ATP8A2: variants seen among roughly 807,000 people sequenced by gnomAD.
ATP8A2 encodes the protein phospholipid-transporting ATPase IB.
A neutral mutation model predicts 165.6 loss-of-function variants in ATP8A2; 100 were observed. That is an observed-to-expected ratio of 0.60 (90% CI 0.51 to 0.71). ATP8A2 has a LOEUF of 0.71. Ranked by LOEUF, ATP8A2 falls within the 30% of genes least tolerant of loss-of-function variation. The pLI is 0.00. For synonymous variants in ATP8A2, 543 were observed against 548.8 expected, an observed-to-expected ratio of 0.99 and a Z score of 0.15; for missense variants, 1,227 against 1,479.5, an observed-to-expected ratio of 0.83 and a Z score of 2.80.
At chr13:25,594,167 A>G (rs1565962302) in intron 24 of ATP8A2, among the ~76,000 whole-genome samples, 1 of 152,238 alleles carries the variant, frequency 6.6e-6, no homozygotes, top group Non-Finnish European at 1.5e-5. Context: ...CTACAACTTT[A>G]CCAGCAATTT....
intron 33 of ATP8A2, among the ~76,000 whole-genome samples, chr13:25,937,120 A>G (rs1287153971): frequency 6.6e-6 from 1 of 152,142 alleles, no homozygotes; most frequent in African/African-American, 2.4e-5. Context: ...AATAAGGAAA[A>G]CAAAGCAACT....
At chr13:25,995,519 A>G (rs913443816) in intron 35 of ATP8A2, among the ~76,000 whole-genome samples, 3 of 151,534 alleles carry the variant, frequency 2.0e-5, no homozygotes, top group Non-Finnish European at 4.4e-5. Flanking sequence ...TAATTCAGTA[A>G]TTTTTTATTT....
At chr13:25,991,253 T>G (rs1593681725) in intron 35 of ATP8A2, among the ~76,000 whole-genome samples, 1 of 152,356 alleles carries the variant, frequency 6.6e-6, no homozygotes, top group African/African-American at 2.4e-5. Flanking sequence ...ACAGACTGAC[T>G]TTTTTAATTT....
chr13:25,545,981 A>G (rs1159923952), intron 10 of ATP8A2, among the ~76,000 whole-genome samples: 1 of 152,178 alleles, frequency 6.6e-6, no homozygotes, highest in Admixed American at 6.5e-5. Flanking sequence ...ATGGGTAGCT[A>G]GCTCACATTT....
intron 33 of ATP8A2, among the ~76,000 whole-genome samples, chr13:25,934,492 G>A (rs1008037166): frequency 6.6e-6 from 1 of 152,348 alleles, no homozygotes; most frequent in Non-Finnish European, 1.5e-5. Flanking sequence ...CCTCCGGTCA[G>A]CAGTGTGACC....
At position 25,750,152 on chromosome 13, in the gene ATP8A2, TA is replaced by T. The variant is rs2044123121; in HGVS notation, c.2385-18892del. Among the ~76,000 whole-genome samples, 1 of 152,196 alleles carries T rather than the reference TA, an allele frequency of 6.6e-6. No individual in the cohort carries two copies. Among genetic ancestry groups the T allele is most frequent in the Non-Finnish European group, 1.5e-5 (1 of 68,032 alleles). On this transcript the variant is annotated intron_variant, in intron 25 of 36. Transcript: ENST00000381655. This position sits in a 1 kb window ranked among gnomAD's most constrained non-coding sequence, Gnocchi z 4.3. ...TATTTGTGTCCCTCTAAAGCCACAGTAAGGAGAACTTCGGTGAAGTCCTCCC... is the reference window on the plus strand; with the variant it reads ...TATTTGTGTCCCTCTAAAGCCACAGTAGGAGAACTTCGGTGAAGTCCTCCC...
intron 27 of ATP8A2, among the ~76,000 whole-genome samples, chr13:25,806,159 G>A (rs1448361240): frequency 6.6e-6 from 1 of 152,140 alleles, no homozygotes; most frequent in Non-Finnish European, 1.5e-5. Flanking sequence ...GTTCACAGGG[G>A]TAAGTTGAGG....
rs548277111 is a variant in ATP8A2, at chr13:25,439,433, A to G, written c.77-29544A>G. ...ATTAGGGCATTTTAAATGAAAAAAA[A>G]GTCTGTTATATTGCCATCATGTTCA... On this transcript the variant is annotated intron_variant, in intron 1 of 36. Transcript: ENST00000381655. Among the ~76,000 whole-genome samples the G allele has an allele frequency of 3.2e-4, 48 of 152,344 alleles. 1 individual carries two copies. The highest frequency in any genetic ancestry group is 1.9e-3 in the South Asian group (9 of 4,824).
intron 35 of ATP8A2, among the ~76,000 whole-genome samples, chr13:25,973,225 T>G (rs1593651571): frequency 6.6e-6 from 1 of 152,174 alleles, no homozygotes; most frequent in African/African-American, 2.4e-5. Flanking sequence ...GTGTGGCTGG[T>G]CTTAAACCTT....
At chr13:25,427,091 T>C (rs1394850790) in intron 1 of ATP8A2, among the ~76,000 whole-genome samples, 1 of 152,126 alleles carries the variant, frequency 6.6e-6, no homozygotes, top group East Asian at 1.9e-4. Context: ...CATCAGGGGT[T>C]CCCCCAACAT....
intron 10 of ATP8A2, among the ~76,000 whole-genome samples, chr13:25,546,602 A>T (rs1272750978): frequency 6.6e-6 from 1 of 152,054 alleles, no homozygotes; most frequent in East Asian, 1.9e-4. Context: ...TACATGTAGA[A>T]ATATTTATGT....
intron 24 of ATP8A2, among the ~76,000 whole-genome samples, chr13:25,635,306 A>G (rs75756695): frequency 0.035 from 5,267 of 152,282 alleles, 156 homozygotes; most frequent in East Asian, 0.13. Flanking sequence ...GAAAGCACTT[A>G]GGGAAAATGA....
chr13:25,851,582 C>CAAAAAAA lies in ATP8A2; in HGVS notation c.2957-8603_2957-8597dup, dbSNP rs200852097. ...TGGGTGACAGAGTGTGACTCTGTCT[C>CAAAAAAA]AAAAAAAAAAAAAAAATTAATGCAT... is the stretch of plus-strand genomic sequence containing the variant. On this transcript the variant is annotated intron_variant, in intron 30 of 36. Coordinates refer to ENST00000381655, the MANE Select transcript of ATP8A2 (RefSeq NM_016529.6). Among the ~76,000 whole-genome samples, 371 of 109,028 alleles carry CAAAAAAA rather than the reference C, an allele frequency of 3.4e-3. 1 individual carries two copies. The highest frequency in any genetic ancestry group is 0.012 in the African/African-American group (349 of 28,496). The allele number at this position is 109,028 out of a possible 152,430, so 71.5% of individuals were successfully genotyped here.
chr13:25,948,954 C>T (rs1955278988), intron 33 of ATP8A2, among the ~76,000 whole-genome samples: 1 of 152,224 alleles, frequency 6.6e-6, no homozygotes. Flanking sequence ...AGCTTTAGCT[C>T]CTTGGCCTTG....
intron 16 of ATP8A2, among the ~76,000 whole-genome samples, chr13:25,566,205 A>T (rs1273327583): frequency 6.6e-6 from 1 of 152,004 alleles, no homozygotes; most frequent in Non-Finnish European, 1.5e-5. Context: ...GTTCTTGGTG[A>T]TGCTGATGAA....
At chr13:25,542,134 G>C (rs2038498605) in intron 9 of ATP8A2, 88 bp downstream of exon 9, 2 of 1,363,168 alleles carry the variant, frequency 1.5e-6, no homozygotes, top group Admixed American at 4.1e-5. Context: ...TCCTAGTTTT[G>C]TAATATTTTA....
At chr13:25,689,446 A>G (rs2042676582) in intron 24 of ATP8A2, among the ~76,000 whole-genome samples, 1 of 152,172 alleles carries the variant, frequency 6.6e-6, no homozygotes, top group Non-Finnish European at 1.5e-5. Context: ...GTTGTCTAGA[A>G]AATAATTTAT....
At chr13:25,946,263 A>G (rs917268613) in intron 33 of ATP8A2, among the ~76,000 whole-genome samples, 5 of 152,152 alleles carry the variant, frequency 3.3e-5, no homozygotes, top group Non-Finnish European at 7.3e-5. Context: ...GCCAATGGCC[A>G]TGTCCCCACG....
Position 25,453,978 on chromosome 13 carries a change from T to C in ATP8A2, c.77-14999T>C, listed in dbSNP as rs550159653. ...TTTCACTGATGAGTGGGGAGGGCTG[T>C]GGCGGGAGGAAAGGAACTGGTTTGG... On this transcript the variant is annotated intron_variant, in intron 1 of 36. Coordinates refer to ENST00000381655, the MANE Select transcript of ATP8A2 (RefSeq NM_016529.6). Among the ~76,000 whole-genome samples, 20 of 152,226 alleles carry C rather than the reference T, an allele frequency of 1.3e-4. No individual in the cohort carries two copies. The East Asian group carries it at 1.7e-3, about 13-fold the overall frequency.
Sources: allele counts gnomAD v4.1 joint callset (sites outside exome capture counted in the v4.1 genomes callset), GRCh38; gene constraint gnomAD v4.1.1; non-coding constraint Gnocchi (gnomAD v3.1); transcripts MANE v1.5; gene names NCBI Gene and HGNC (gene_info 2026-07-23, HGNC 2026-07-21).